The following ZNF804B variants were observed in gnomAD, a reference collection of about 807,000 sequenced individuals.
ZNF804B encodes the protein zinc finger protein 804B.
Under a neutral mutation model 101.4 loss-of-function variants are expected in ZNF804B, and 80 were observed. That is an observed-to-expected ratio of 0.79 (90% CI 0.66 to 0.95). ZNF804B has a LOEUF of 0.95. Among genes scored for constraint, ZNF804B ranks in the 40% least tolerant of loss-of-function variants. The pLI is 0.00. For synonymous variants in ZNF804B, 622 were observed against 558.8 expected (o/e 1.11, Z -1.59); for missense variants, 1,673 against 1,561.9 (o/e 1.07, Z -1.20).
intron 1 of ZNF804B, among the ~76,000 whole-genome samples, chr7:88,763,070 T>A (rs1789923258): frequency 6.6e-6 from 1 of 152,176 alleles, no homozygotes; most frequent in Non-Finnish European, 1.5e-5. Context: ...GTTCTGATAT[T>A]ATGGATATCT....
At chr7:89,087,776 A>G (rs181701032) in intron 1 of ZNF804B, among the ~76,000 whole-genome samples, 5 of 151,880 alleles carry the variant, frequency 3.3e-5, no homozygotes, top group African/African-American at 1.2e-4. Context: ...CTTTTCCCAA[A>G]TCTTTCATTG....
intron 1 of ZNF804B, among the ~76,000 whole-genome samples, chr7:88,849,093 C>G (rs1363989790): frequency 1.3e-5 from 2 of 152,054 alleles, no homozygotes; most frequent in Admixed American, 6.6e-5. Context: ...TAAAATATTC[C>G]TTTATATACA....
intron 1 of ZNF804B, among the ~76,000 whole-genome samples, chr7:88,814,965 T>G (rs1273122199): frequency 6.6e-6 from 1 of 150,930 alleles, no homozygotes. Context: ...GTGGAATTAT[T>G]TCTGAGGATT....
chr7:88,777,830 AGAGT>A (rs924082799), intron 1 of ZNF804B, among the ~76,000 whole-genome samples: 2 of 144,732 alleles, frequency 1.4e-5, no homozygotes, highest in African/African-American at 2.6e-5. Context: ...CATGGGTGAC[AGAGT>A]GAGACTCCAT....
chr7:88,903,364 C>T (rs574198955), intron 1 of ZNF804B, among the ~76,000 whole-genome samples: 41 of 152,178 alleles, frequency 2.7e-4, no homozygotes, highest in African/African-American at 9.6e-4. Context: ...TTGATGGGCA[C>T]CTAGCTTGAT....
Position 89,336,078 on chromosome 7 carries a change from C to T in ZNF804B, c.3096C>T (p.His1032=), listed in dbSNP as rs1469165511. 1.2e-6 allele frequency: 2 copies of T among 1,613,874 alleles called. No homozygotes were observed. The highest frequency in any genetic ancestry group is 1.7e-5 in the Admixed American group (1 of 59,970). The change falls in exon 4 of 4, where the codon CAC becomes CAT. Residue 1032 remains histidine (H), a synonymous_variant. Transcript: ENST00000333190. ...ACCATCTTTCTAAAGGTATAATTCA[C>T]CTAGTAACAGAGTCTCAGTCACTAA... ...CDNHLSKGII[H]LVTESQSLNI...
intron 1 of ZNF804B, among the ~76,000 whole-genome samples, chr7:89,018,544 C>T (rs6944177): frequency 0.73 from 111,594 of 151,874 alleles, 41,603 homozygotes; most frequent in African/African-American, 0.87. Context: ...GCACAATTAG[C>T]TTGGAAGAAT....
chr7:89,244,605 A>G lies in ZNF804B; in HGVS notation c.249+26310A>G, dbSNP rs937133087. 6.6e-5 allele frequency among the ~76,000 whole-genome samples: 10 copies of G among 152,252 alleles called. 1 individual carries two copies. In the South Asian group the frequency reaches 1.7e-3, roughly 25 times the overall value. ...ATGGCTATCACTTAAAGAATTTTGT[A>G]TTATCCTAGAAAACTTCATCTTTTA... On this transcript the variant is annotated intron_variant, in intron 2 of 3. Transcript: ENST00000333190.
In ZNF804B at chr7:89,337,384, A is replaced by G. The variant is rs1791115833; in HGVS notation, c.*352A>G. Among the ~76,000 whole-genome samples the G allele has an allele frequency of 1.3e-5, 2 of 152,088 alleles. No homozygotes were observed. Among genetic ancestry groups the G allele is most frequent in the African/African-American group, 4.8e-5 (2 of 41,426 alleles). On this transcript the variant is annotated 3_prime_UTR_variant, in exon 4 of 4. Coordinates refer to ENST00000333190, the MANE Select transcript of ZNF804B (RefSeq NM_181646.5). Reference sequence around the variant, plus strand: ...AAAGAAAAATCAAATGAAATATGGCACCCTGCGTTCTAAGTATTTGTTGTG... The same window carrying G: ...AAAGAAAAATCAAATGAAATATGGCGCCCTGCGTTCTAAGTATTTGTTGTG...
intron 1 of ZNF804B, among the ~76,000 whole-genome samples, chr7:88,951,958 A>G (rs920813853): frequency 4.0e-5 from 6 of 151,824 alleles, no homozygotes; most frequent in African/African-American, 1.4e-4. Flanking sequence ...TCCAGCTGGT[A>G]GTGGGTGGTA....
chr7:89,298,943 G>A (rs529795620), intron 2 of ZNF804B, among the ~76,000 whole-genome samples: 51 of 151,896 alleles, frequency 3.4e-4, no homozygotes, highest in African/African-American at 1.2e-3. Flanking sequence ...TCTCAGGGTT[G>A]CGATAATTTC....
intron 1 of ZNF804B, among the ~76,000 whole-genome samples, chr7:88,863,195 T>C (rs1791675998): frequency 6.6e-6 from 1 of 152,092 alleles, no homozygotes; most frequent in South Asian, 2.1e-4. Flanking sequence ...CACATGCTGT[T>C]CTCTCTCCCT....
chr7:89,085,413 A>G (rs1464242205), intron 1 of ZNF804B, among the ~76,000 whole-genome samples: 1 of 151,972 alleles, frequency 6.6e-6, no homozygotes, highest in Non-Finnish European at 1.5e-5. Flanking sequence ...AGCCTGTTTT[A>G]GTAGTTGAAA....
intron 1 of ZNF804B, among the ~76,000 whole-genome samples, chr7:89,071,712 G>T (rs976140460): frequency 6.6e-6 from 1 of 151,724 alleles, no homozygotes; most frequent in Non-Finnish European, 1.5e-5. Context: ...GCTTCTCTAT[G>T]AGCAGAAATA....
At chr7:88,850,802 A>G (rs1309297220) in intron 1 of ZNF804B, among the ~76,000 whole-genome samples, 1 of 152,112 alleles carries the variant, frequency 6.6e-6, no homozygotes, top group Non-Finnish European at 1.5e-5. Context: ...AAACAAACAA[A>G]AACAACAAAA....
intron 1 of ZNF804B, among the ~76,000 whole-genome samples, chr7:89,193,251 ATCATC>A (rs771073766): frequency 3.2e-4 from 48 of 148,368 alleles, no homozygotes; most frequent in Non-Finnish European, 6.2e-4. Flanking sequence ...AGAAAACCCT[ATCATC>A]TCAGCCCAAA....
chr7:89,159,966 G>C (rs1791034613), intron 1 of ZNF804B, among the ~76,000 whole-genome samples: 1 of 152,058 alleles, frequency 6.6e-6, no homozygotes, highest in Admixed American at 6.6e-5. Flanking sequence ...GTGGTGTAGA[G>C]ATACGTCTAG....
chr7:88,967,097 C>A (rs1793466619), intron 1 of ZNF804B, among the ~76,000 whole-genome samples: 1 of 151,058 alleles, frequency 6.6e-6, no homozygotes, highest in Admixed American at 6.6e-5. Flanking sequence ...TAAATAGAAA[C>A]CTTTCAGTTT....
At chr7:88,939,268 T>C (rs2116040774) in intron 1 of ZNF804B, among the ~76,000 whole-genome samples, 1 of 152,050 alleles carries the variant, frequency 6.6e-6, no homozygotes, top group Middle Eastern at 3.4e-3. Flanking sequence ...CAACTCTAGA[T>C]TACATATAAT....
Sources: allele counts gnomAD v4.1 joint callset (sites outside exome capture counted in the v4.1 genomes callset), GRCh38; gene constraint gnomAD v4.1.1; transcripts MANE v1.5; gene names NCBI Gene and HGNC (gene_info 2026-07-23, HGNC 2026-07-21).